NSA2: variants seen among roughly 807,000 people sequenced by gnomAD.
NSA2 encodes ribosome biogenesis protein NSA2 homolog.
A neutral mutation model predicts 34.8 loss-of-function variants in NSA2; 18 were observed. The ratio of observed to expected loss-of-function variants is 0.52; its 90% CI spans 0.36 to 0.77. The LOEUF is 0.77. NSA2 is among the 30% of genes least tolerant of loss of function. The pLI, the probability that NSA2 is intolerant of heterozygous loss-of-function variation, is 0.00. For synonymous variants in NSA2, 79 were observed against 100.2 expected, an observed-to-expected ratio of 0.79 and a Z score of 1.26; for missense variants, 188 against 314.7, an observed-to-expected ratio of 0.60 and a Z score of 3.05.
Position 74,779,032 on chromosome 5 carries a change from CTCTATAA to C in NSA2, c.*2369_*2375del. 1.3e-5 allele frequency: 2 copies of C among 152,206 alleles called. No homozygotes were observed. Among genetic ancestry groups the C allele is most frequent in the East Asian group, 3.9e-4 (2 of 5,188 alleles). 9.4% of individuals were successfully genotyped at this position (152,206 alleles called of 1,614,324 possible). A position where few individuals can be genotyped will look rare whatever the true frequency, so the allele number is the denominator to read the frequency against. On this transcript the variant is annotated 3_prime_UTR_variant, in exon 6 of 6. Coordinates refer to ENST00000610426, the MANE Select transcript of NSA2 (RefSeq NM_014886.6). ...TTTTTCCAAGTGATCTAACTTTTCC[CTCTATAA>C]TCTATAAACCCCAAAATAACAATTT...
intron 1 of NSA2, among the ~76,000 whole-genome samples, chr5:74,767,588 C>T (rs1744728304): frequency 6.6e-6 from 1 of 152,202 alleles, no homozygotes; most frequent in Non-Finnish European, 1.5e-5. Flanking sequence ...CAAGATTTTA[C>T]TCTGTCCTGT....
Position 74,778,023 on chromosome 5 carries a change from A to C in NSA2, c.*1352A>C, listed in dbSNP as rs752912563. The C allele has an allele frequency of 2.6e-4, 39 of 152,070 alleles. 1 individual carries two copies. The highest frequency in any genetic ancestry group is 1.6e-4 in the Non-Finnish European group (11 of 67,898). The allele number at this position is 152,070 out of a possible 1,614,324, so 9.4% of individuals were successfully genotyped here. Reference sequence around the variant, plus strand: ...TTTAGCAGATAATTTTACCACTAATATAAATGGGTGATGTGTGGATCACAA... The same window carrying C: ...TTTAGCAGATAATTTTACCACTAATCTAAATGGGTGATGTGTGGATCACAA... On this transcript the variant is annotated 3_prime_UTR_variant, in exon 6 of 6. Transcript: ENST00000610426.
chr5:74,769,888 A>C (rs1744860674), intron 3 of NSA2, among the ~76,000 whole-genome samples: 1 of 152,234 alleles, frequency 6.6e-6, no homozygotes, highest in Non-Finnish European at 1.5e-5. Flanking sequence ...ATTTGCACTC[A>C]AGGGAGGCAT....
chr5:74,768,092 C>T (rs575263796), intron 1 of NSA2, among the ~76,000 whole-genome samples: 1 of 152,320 alleles, frequency 6.6e-6, no homozygotes, highest in Non-Finnish European at 1.5e-5. Context: ...CCATACATTG[C>T]TGGTGAAAAG....
rs1282458989 is a variant in NSA2, at chr5:74,778,544, TAG to T, written c.*1875_*1876del. ...ACACTGAATGGAAATACCATGAATA[TAG>T]ACACATTTTAAGTAGAAGACTGACG... On this transcript the variant is annotated 3_prime_UTR_variant, in exon 6 of 6. Coordinates refer to ENST00000610426, the MANE Select transcript of NSA2 (RefSeq NM_014886.6). The T allele has an allele frequency of 6.6e-6, 1 of 151,976 alleles. No homozygotes were observed. Among genetic ancestry groups the T allele is most frequent in the Admixed American group, 6.6e-5 (1 of 15,256 alleles). The allele number at this position is 151,976 out of a possible 1,614,324, so 9.4% of individuals were successfully genotyped here.
At position 74,773,803 on chromosome 5, in the gene NSA2, G is replaced by A. The variant is rs1012113674; in HGVS notation, c.523-65G>A. On this transcript the variant is annotated intron_variant, in intron 4 of 5. Transcript: ENST00000610426. ...ATGGTTGAAAAAGATAAGCGAAAAC[G>A]ACCACTACTCATCACTGTTAACATT... is the stretch of plus-strand genomic sequence containing the variant. 3.9e-6 allele frequency: 5 copies of A among 1,278,316 alleles called. No homozygotes were observed. The South Asian group carries it at 4.8e-5, about 12-fold the overall frequency. The allele number at this position is 1,278,316 out of a possible 1,614,324, so 79.2% of individuals were successfully genotyped here.
In NSA2 at chr5:74,773,779, T is replaced by A. The variant is rs1056216201; in HGVS notation, c.523-89T>A. Reference sequence around the variant, plus strand: ...TTATTCAACCATAGTTTTTTGGAGATGGTTGAAAAAGATAAGCGAAAACGA... The same window carrying A: ...TTATTCAACCATAGTTTTTTGGAGAAGGTTGAAAAAGATAAGCGAAAACGA... On this transcript the variant is annotated intron_variant, in intron 4 of 5. Coordinates refer to ENST00000610426, the MANE Select transcript of NSA2 (RefSeq NM_014886.6). The A allele has an allele frequency of 6.6e-5, 64 of 968,110 alleles. No individual in the cohort carries two copies. The African/African-American group carries it at 1.0e-3, about 15-fold the overall frequency. The allele number at this position is 968,110 out of a possible 1,614,324, so 60.0% of individuals were successfully genotyped here.
In NSA2 at chr5:74,777,386, C is replaced by T. The variant is rs189943724; in HGVS notation, c.*715C>T. The T allele has an allele frequency of 2.6e-5, 4 of 152,156 alleles. No individual in the cohort carries two copies. Among genetic ancestry groups the T allele is most frequent in the East Asian group, 1.9e-4 (1 of 5,188 alleles). 9.4% of individuals were successfully genotyped at this position (152,156 alleles called of 1,614,324 possible). A position where few individuals can be genotyped will look rare whatever the true frequency, so the allele number is the denominator to read the frequency against. On this transcript the variant is annotated 3_prime_UTR_variant, in exon 6 of 6. Transcript: ENST00000610426. ...TAGTATTAAGAATTAGTTTAAGTAA[C>T]TCCAGCTAAGTTTTAAAAGGAAAAA...
chr5:74,778,093 A>G lies in NSA2; in HGVS notation c.*1422A>G, dbSNP rs982860146. On this transcript the variant is annotated 3_prime_UTR_variant, in exon 6 of 6. Coordinates refer to ENST00000610426, the MANE Select transcript of NSA2 (RefSeq NM_014886.6). The stretch of plus-strand genomic sequence containing the variant: ...AATACTGACTCCAGGTAATTTCTGG[A>G]TACTACAAAAATGAAGTTTGCTTGT... 3 of 152,064 alleles carry G rather than the reference A, an allele frequency of 2.0e-5. No homozygotes were observed. Among genetic ancestry groups the G allele is most frequent in the African/African-American group, 7.2e-5 (3 of 41,446 alleles). 9.4% of individuals were successfully genotyped at this position (152,064 alleles called of 1,614,324 possible).
chr5:74,775,691 TA>T (rs11445878), intron 5 of NSA2, among the ~76,000 whole-genome samples: 1 of 150,250 alleles, frequency 6.7e-6, no homozygotes, highest in Non-Finnish European at 1.5e-5. Context: ...AAGTTATAAC[TA>T]AAAAAAATTG....
intron 5 of NSA2, among the ~76,000 whole-genome samples, chr5:74,774,877 TATTAC>T (rs1745060550): frequency 6.6e-6 from 1 of 152,164 alleles, no homozygotes; most frequent in South Asian, 2.1e-4. Flanking sequence ...AGAAAATACC[TATTAC>T]ATTTAAAGAA....
At chr5:74,768,888 A>G in intron 1 of NSA2, 43 bp from the exon 2 acceptor site, 1 of 1,354,504 alleles carries the variant, frequency 7.4e-7, no homozygotes, top group South Asian at 1.5e-5. Context: ...AATAATTGTC[A>G]GTACTTTAAA....
chr5:74,776,902 T>TAC lies in NSA2; in HGVS notation c.*232_*233dup. The TAC allele has an allele frequency of 2.9e-6, 1 of 340,892 alleles. No individual in the cohort carries two copies. The highest frequency in any genetic ancestry group is 5.4e-6 in the Non-Finnish European group (1 of 186,874). The allele number at this position is 340,892 out of a possible 1,614,324, so 21.1% of individuals were successfully genotyped here. ...AAAAAAAGCAAATATACAAATATCC[T>TAC]ACTTCATCAATATCTGCATTTGTGA... On this transcript the variant is annotated 3_prime_UTR_variant, in exon 6 of 6. Coordinates refer to ENST00000610426, the MANE Select transcript of NSA2 (RefSeq NM_014886.6).
intron 5 of NSA2, among the ~76,000 whole-genome samples, chr5:74,775,652 A>C (rs1286507363): frequency 6.6e-6 from 1 of 151,886 alleles, no homozygotes. Flanking sequence ...TTTTAATAAA[A>C]ATTCTTTATT....
chr5:74,768,958 C>T lies in NSA2; in HGVS notation c.31C>T (p.Arg11Cys), dbSNP rs3733793. The part of the protein sequence containing the change: MPQNEYIELH[R>C]KRYGYRLDYH... Reference sequence around the variant, plus strand: ...ACAGAATGAATATATTGAATTACACCGTAAACGCTATGGATACCGTTTGGA... The same window carrying T: ...ACAGAATGAATATATTGAATTACACTGTAAACGCTATGGATACCGTTTGGA... The change falls in exon 2 of 6, where the codon CGT becomes TGT. Residue 11 changes from arginine to cysteine, a missense_variant. Coordinates refer to ENST00000610426, the MANE Select transcript of NSA2 (RefSeq NM_014886.6). 94 of 1,592,652 alleles carry T rather than the reference C, an allele frequency of 5.9e-5. No individual in the cohort carries two copies. In the East Asian group the frequency reaches 1.9e-3, roughly 31 times the overall value.
At position 74,776,795 on chromosome 5, in the gene NSA2, A is replaced by C. The variant is rs1304430272; in HGVS notation, c.*124A>C. On this transcript the variant is annotated 3_prime_UTR_variant, in exon 6 of 6. Transcript: ENST00000610426. ...GCAATGAAGAGATTTATTAAATTGTAAACATTAAAGTGGTCCAGTTTTATA... is the reference window on the plus strand; with the variant it reads ...GCAATGAAGAGATTTATTAAATTGTCAACATTAAAGTGGTCCAGTTTTATA... The C allele has an allele frequency of 6.7e-6, 4 of 600,244 alleles. No individual in the cohort carries two copies. In the African/African-American group the frequency reaches 7.5e-5, roughly 11 times the overall value. The allele number at this position is 600,244 out of a possible 1,614,324, so 37.2% of individuals were successfully genotyped here. A position where few individuals can be genotyped will look rare whatever the true frequency, so the allele number is the denominator to read the frequency against.
In NSA2 at chr5:74,774,064, A is replaced by C. The variant is rs765003345; in HGVS notation, c.715+4A>C. 3 of 1,610,204 alleles carry C rather than the reference A, an allele frequency of 1.9e-6. No individual in the cohort carries two copies. The highest frequency in any genetic ancestry group is 2.2e-5 in the South Asian group (2 of 90,890). On this transcript the variant is annotated splice_donor_region_variant and intron_variant, in intron 5 of 5. Coordinates refer to ENST00000610426, the MANE Select transcript of NSA2 (RefSeq NM_014886.6). ...CAAGGAGGCAAAGTTATTTGGGGTAAGTGAATTTTTGAATACAGGGCTGCT... is the reference window on the plus strand; with the variant it reads ...CAAGGAGGCAAAGTTATTTGGGGTACGTGAATTTTTGAATACAGGGCTGCT...
At chr5:74,771,832 G>C (rs1417434321) in intron 4 of NSA2, among the ~76,000 whole-genome samples, 2 of 148,788 alleles carry the variant, frequency 1.3e-5, no homozygotes, top group Non-Finnish European at 3.0e-5. Flanking sequence ...CCAGCCTGGG[G>C]GACAGAGCAA....
intron 1 of NSA2, 89 bp from the exon 2 acceptor site, chr5:74,768,842 C>G (rs1744812317): frequency 1.2e-6 from 1 of 859,828 alleles, no homozygotes; most frequent in African/African-American, 1.7e-5. Context: ...TTGGATGAAA[C>G]AGGGTCTTTG....
Sources: allele counts gnomAD v4.1 joint callset (sites outside exome capture counted in the v4.1 genomes callset), GRCh38; gene constraint gnomAD v4.1.1; transcripts MANE v1.5; gene names NCBI Gene and HGNC (gene_info 2026-07-23, HGNC 2026-07-21).